The following TNNI3K variants were observed in gnomAD, a reference collection of about 807,000 sequenced individuals.
TNNI3K encodes the protein serine/threonine-protein kinase TNNI3K.
A neutral mutation model predicts 114.5 loss-of-function variants in TNNI3K; 140 were observed. The ratio of observed to expected loss-of-function variants is 1.22; its 90% CI spans 1.07 to 1.41. The LOEUF (loss-of-function observed/expected upper bound fraction) is 1.41, where lower values mean the gene tolerates loss of function less well. Ranked by LOEUF, TNNI3K falls within the 40% of genes most tolerant of loss-of-function variation. TNNI3K has a pLI of 0.00. For missense variants in TNNI3K, 1,125 were observed against 1,007.6 expected (o/e 1.12, Z -1.58); for synonymous variants, 347 against 347.5 (o/e 1.00, Z 0.02).
chr1:74,256,283 CTTTTTTTT>C (rs61636791), intron 4 of TNNI3K, among the ~76,000 whole-genome samples: 48 of 42,796 alleles, frequency 1.1e-3, no homozygotes, highest in African/African-American at 2.4e-3. Flanking sequence ...TGTGGTCAGT[CTTTTTTTT>C]TTTTTTTTTT....
chr1:74,507,744 A>G (rs1033966821), intron 23 of TNNI3K, among the ~76,000 whole-genome samples: 8 of 152,188 alleles, frequency 5.3e-5, no homozygotes, highest in Non-Finnish European at 8.8e-5. Flanking sequence ...ATTCCCTACT[A>G]ATATGGTACT....
chr1:74,261,651 A>G (rs1254814445), intron 4 of TNNI3K, among the ~76,000 whole-genome samples: 2 of 152,180 alleles, frequency 1.3e-5, no homozygotes, highest in Non-Finnish European at 2.9e-5. Flanking sequence ...GCTAATGAAC[A>G]AAATCCTATT....
chr1:74,285,215 A>C (rs1657257413), intron 5 of TNNI3K, among the ~76,000 whole-genome samples: 1 of 152,156 alleles, frequency 6.6e-6, no homozygotes, highest in South Asian at 2.1e-4. Context: ...ACTCACTAAC[A>C]CATGGCTTTG....
At position 74,507,788 on chromosome 1, in the gene TNNI3K, G is replaced by A. The variant is rs532431592; in HGVS notation, c.2351+15522G>A. Reference sequence around the variant, plus strand: ...CTATGGCATGAGCTACCGTCATCCAGGAACATGGGCTCTGAGACTTAGGAA... The same window carrying A: ...CTATGGCATGAGCTACCGTCATCCAAGAACATGGGCTCTGAGACTTAGGAA... On this transcript the variant is annotated intron_variant, in intron 23 of 24. Transcript: ENST00000326637. Among the ~76,000 whole-genome samples the A allele has an allele frequency of 2.0e-5, 3 of 152,276 alleles. No homozygotes were observed. The South Asian group carries it at 6.2e-4, about 32-fold the overall frequency.
intron 20 of TNNI3K, among the ~76,000 whole-genome samples, chr1:74,439,927 G>C (rs1570621973): frequency 1.3e-5 from 2 of 151,952 alleles, no homozygotes. Flanking sequence ...AGCAAATAAG[G>C]TGGACAATGT....
intron 17 of TNNI3K, among the ~76,000 whole-genome samples, chr1:74,411,685 TAGTA>T (rs1664887590): frequency 6.6e-6 from 1 of 152,094 alleles, no homozygotes; most frequent in South Asian, 2.1e-4. Flanking sequence ...TTCTAAAAGA[TAGTA>T]AGATAGATAA....
intron 17 of TNNI3K, among the ~76,000 whole-genome samples, chr1:74,391,964 T>TTTTTTTGTTTTTTG (rs1557539103): frequency 2.1e-4 from 28 of 134,330 alleles, no homozygotes; most frequent in Admixed American, 5.9e-4. Flanking sequence ...ATTATTTTTT[T>TTTTTTTGTTTTTTG]TTTTTTTTTT....
At chr1:74,431,656 G>C (rs1019346252) in intron 17 of TNNI3K, among the ~76,000 whole-genome samples, 6 of 152,114 alleles carry the variant, frequency 3.9e-5, no homozygotes, top group African/African-American at 1.4e-4. Context: ...AAAATGTAGA[G>C]ATTTGTTCAG....
intron 21 of TNNI3K, chr1:74,472,033 G>T: frequency 1.4e-6 from 1 of 707,786 alleles, no homozygotes; most frequent in South Asian, 1.5e-5. Context: ...ACAAGGCTTG[G>T]ATGATGAGCT....
chr1:74,372,286 T>C (rs893872490), intron 17 of TNNI3K: 4 of 151,780 alleles, frequency 2.6e-5, no homozygotes, highest in African/African-American at 7.2e-5. Context: ...ATTGGAGAGA[T>C]GACTAAAGTC....
At chr1:74,340,854 G>T (rs1660714269) in intron 7 of TNNI3K, among the ~76,000 whole-genome samples, 1 of 152,114 alleles carries the variant, frequency 6.6e-6, no homozygotes, top group East Asian at 1.9e-4. Context: ...TTTTTTAAAA[G>T]GGAGATAATC....
At chr1:74,454,145 A>G (rs1667135613) in intron 20 of TNNI3K, among the ~76,000 whole-genome samples, 1 of 152,180 alleles carries the variant, frequency 6.6e-6, no homozygotes, top group Admixed American at 6.5e-5. Flanking sequence ...TGATTCAGGC[A>G]TAAAATGTGT....
intron 17 of TNNI3K, among the ~76,000 whole-genome samples, chr1:74,425,724 G>T (rs1284250668): frequency 3.3e-5 from 5 of 152,014 alleles, no homozygotes; most frequent in Non-Finnish European, 7.4e-5. Context: ...TGAAATATGG[G>T]GATATTTATT....
chr1:74,303,617 T>C (rs1042203610), intron 5 of TNNI3K, among the ~76,000 whole-genome samples: 4 of 152,228 alleles, frequency 2.6e-5, no homozygotes, highest in African/African-American at 9.6e-5. Context: ...CTTTCCTGCC[T>C]GCAAAAACAA....
intron 21 of TNNI3K, among the ~76,000 whole-genome samples, chr1:74,476,661 G>GA (rs1263183480): frequency 6.6e-6 from 1 of 152,098 alleles, no homozygotes; most frequent in Non-Finnish European, 1.5e-5. Flanking sequence ...TTCTCAAGAT[G>GA]TGATTAGGAA....
At chr1:74,340,304 T>C (rs1018286561) in intron 7 of TNNI3K, among the ~76,000 whole-genome samples, 1 of 152,130 alleles carries the variant, frequency 6.6e-6, no homozygotes, top group Non-Finnish European at 1.5e-5. Flanking sequence ...TTTACATGTA[T>C]TTTTTGTTTT....
chr1:74,287,616 A>T (rs553472981), intron 5 of TNNI3K, among the ~76,000 whole-genome samples: 42 of 152,312 alleles, frequency 2.8e-4, no homozygotes, highest in Non-Finnish European at 5.7e-4. Context: ...TAAGGGCTGA[A>T]ACTTTAAAAC....
rs532871355 is a variant in TNNI3K at position 74,255,224 on chromosome 1, G to A, written c.333+4455G>A. ...AAAAAATTAGCCGGGCGTAGTGGCG[G>A]GCGCCTGTAGTCCCAGCTACTTGGG... is the stretch of plus-strand genomic sequence containing the variant. On this transcript the variant is annotated intron_variant, in intron 4 of 24. Coordinates refer to ENST00000326637, the MANE Select transcript of TNNI3K (RefSeq NM_015978.3). Among the ~76,000 whole-genome samples, 5 of 151,602 alleles carry A rather than the reference G, an allele frequency of 3.3e-5. No individual in the cohort carries two copies. The South Asian group carries it at 8.3e-4, about 25-fold the overall frequency.
chr1:74,513,944 G>C (rs1407387706), intron 23 of TNNI3K, among the ~76,000 whole-genome samples: 1 of 152,132 alleles, frequency 6.6e-6, no homozygotes, highest in East Asian at 1.9e-4. Flanking sequence ...ATAGACTAAG[G>C]GGAGTAAATA....
Sources: allele counts gnomAD v4.1 joint callset (sites outside exome capture counted in the v4.1 genomes callset), GRCh38; gene constraint gnomAD v4.1.1; transcripts MANE v1.5; gene names NCBI Gene and HGNC (gene_info 2026-07-23, HGNC 2026-07-21).